The following NFIB variants were observed in gnomAD, a reference collection of about 807,000 sequenced individuals.
NFIB encodes the protein nuclear factor 1 B-type.
In NFIB, 11 loss-of-function variants were observed where a neutral mutation model predicts 61.5. That is an observed-to-expected ratio of 0.18 (90% CI 0.11 to 0.30). The LOEUF (loss-of-function observed/expected upper bound fraction) is 0.30. Ranked by LOEUF, NFIB falls within the 10% of genes least tolerant of loss-of-function variation. The probability of loss-of-function intolerance (pLI) is 1.00; values close to 1 mark genes in which losing one functional copy is unlikely to be tolerated. For missense variants in NFIB, 471 were observed against 608.9 expected (o/e 0.77, Z 2.38); for synonymous variants, 260 against 216.5 (o/e 1.20, Z -1.76).
At chr9:14,392,270 G>A (rs2061631725) in intron 1 of NFIB, among the ~76,000 whole-genome samples, 1 of 152,048 alleles carries the variant, frequency 6.6e-6, no homozygotes, top group Non-Finnish European at 1.5e-5. Flanking sequence ...GAATATAGAT[G>A]GACTTCAGGT....
At chr9:14,413,679 A>T in the NFIB span, among the ~76,000 whole-genome samples, 1 of 152,208 alleles carries the variant, frequency 6.6e-6, no homozygotes, top group Admixed American at 6.5e-5. Flanking sequence ...CCTGTAGAAA[A>T]AAAGTAAATC....
chr9:14,438,801 AAC>A, the NFIB span, among the ~76,000 whole-genome samples: 1 of 152,078 alleles, frequency 6.6e-6, no homozygotes, highest in Non-Finnish European at 1.5e-5. Flanking sequence ...GAGCCGGGAG[AAC>A]AGCTGAAGGC....
Position 14,262,844 on chromosome 9 carries a change from G to T in NFIB, c.562+44145C>A, listed in dbSNP as rs557279999. On this transcript the variant is annotated intron_variant, in intron 2 of 10. Transcript: ENST00000380953. ...CCAGACCAGTTTCAACATGAAACTG[G>T]CAAGTTTTGAGATGTAGCTGTTTCT... Among the ~76,000 whole-genome samples, 7 of 152,186 alleles carry T rather than the reference G, an allele frequency of 4.6e-5. No individual in the cohort carries two copies. The East Asian group carries it at 1.4e-3, about 29-fold the overall frequency.
At chr9:14,331,244 C>A (rs1452492098) in intron 1 of NFIB, among the ~76,000 whole-genome samples, 2 of 152,136 alleles carry the variant, frequency 1.3e-5, no homozygotes, top group African/African-American at 2.4e-5. Flanking sequence ...GACTGAGTAA[C>A]CAATTGAAGG....
rs540305308 is a variant in NFIB, at chr9:14,107,313, C to CA, written c.1467+5685dup. Among the ~76,000 whole-genome samples, 821 of 143,198 alleles carry CA rather than the reference C, an allele frequency of 5.7e-3. 5 individuals are homozygous for CA. The highest frequency in any genetic ancestry group is 9.6e-3 in the Non-Finnish European group (630 of 65,344). The allele number at this position is 143,198 out of a possible 152,430, so 93.9% of individuals were successfully genotyped here. The stretch of plus-strand genomic sequence containing the variant: ...TTGTATGTTTCACATACAACACATG[C>CA]AAAAAAAAACAAACAAACAAAAAAA... On this transcript the variant is annotated intron_variant, in intron 10 of 10. Transcript: ENST00000380953.
chr9:14,463,730 G>A, the NFIB span, among the ~76,000 whole-genome samples: 4 of 128,978 alleles, frequency 3.1e-5, no homozygotes, highest in Admixed American at 3.1e-4. Context: ...GCGCAATCTC[G>A]GCTCACCGCA....
At chr9:14,225,362 C>T (rs561651691) in intron 2 of NFIB, among the ~76,000 whole-genome samples, 46 of 145,806 alleles carry the variant, frequency 3.2e-4, no homozygotes, top group African/African-American at 1.1e-3. Context: ...GAGGCTGAGG[C>T]AGGAGAATGG....
the NFIB span, among the ~76,000 whole-genome samples, chr9:14,526,677 G>A: frequency 4.2e-3 from 641 of 152,196 alleles, 4 homozygotes; most frequent in African/African-American, 0.015. Context: ...TAACAATCTC[G>A]GGGAATTTTA....
At chr9:14,219,305 T>C (rs2051333881) in intron 2 of NFIB, among the ~76,000 whole-genome samples, 1 of 143,792 alleles carries the variant, frequency 7.0e-6, no homozygotes, top group African/African-American at 2.6e-5. Context: ...GAATATTAAC[T>C]ATTATATAGA....
At chr9:14,278,045 G>C (rs919766114) in intron 2 of NFIB, among the ~76,000 whole-genome samples, 2 of 152,158 alleles carry the variant, frequency 1.3e-5, no homozygotes, top group African/African-American at 2.4e-5. Flanking sequence ...AAACTTCAGA[G>C]ACCAGCATCT....
chr9:14,207,360 C>T (rs1435987446), intron 2 of NFIB, among the ~76,000 whole-genome samples: 4 of 152,232 alleles, frequency 2.6e-5, no homozygotes, highest in Non-Finnish European at 5.9e-5. Context: ...TAATTTTTGA[C>T]ACATACCTTC....
chr9:14,150,306 A>G (rs1298072970), intron 4 of NFIB, 41 bp from the exon 5 acceptor site: 2 of 1,611,834 alleles, frequency 1.2e-6, no homozygotes, highest in Non-Finnish European at 8.5e-7. Flanking sequence ...TGACATTCGT[A>G]TTTCTGACCT....
chr9:14,252,543 AC>A (rs559259610), intron 2 of NFIB, among the ~76,000 whole-genome samples: 132 of 152,296 alleles, frequency 8.7e-4, no homozygotes, highest in African/African-American at 2.8e-3. Context: ...GTTAAAAAAA[AC>A]AGAAACTGCT....
intron 2 of NFIB, among the ~76,000 whole-genome samples, chr9:14,187,055 G>A (rs2047444064): frequency 2.1e-5 from 3 of 143,840 alleles, no homozygotes; most frequent in East Asian, 4.1e-4. Flanking sequence ...GTGTGTGTGT[G>A]TGTGTGTGTG....
the NFIB span, among the ~76,000 whole-genome samples, chr9:14,404,278 C>T: frequency 0.04 from 6,061 of 152,222 alleles, 150 homozygotes; most frequent in Non-Finnish European, 0.057. Context: ...ATATCTACCA[C>T]CCCGAGGATT....
chr9:14,503,993 T>A, the NFIB span, among the ~76,000 whole-genome samples: 1 of 152,238 alleles, frequency 6.6e-6, no homozygotes, highest in African/African-American at 2.4e-5. Context: ...TGAGTTGATT[T>A]TTTTATAAGC....
intron 2 of NFIB, among the ~76,000 whole-genome samples, chr9:14,233,421 CTTTTTTTTTTTT>C (rs766595252): frequency 1.5e-4 from 16 of 109,130 alleles, no homozygotes; most frequent in Non-Finnish European, 5.6e-5. Context: ...TGCTATTATT[CTTTTTTTTTTTT>C]TTTTTTTTTT....
intron 2 of NFIB, among the ~76,000 whole-genome samples, chr9:14,303,936 T>G (rs558544251): frequency 6.6e-6 from 1 of 152,220 alleles, no homozygotes; most frequent in African/African-American, 2.4e-5. Flanking sequence ...TTTAATTTTA[T>G]AAACAACTAT....
At chr9:14,396,149 T>G (rs1036367013) in intron 1 of NFIB, among the ~76,000 whole-genome samples, 1 of 152,160 alleles carries the variant, frequency 6.6e-6, no homozygotes, top group Non-Finnish European at 1.5e-5. Flanking sequence ...TTAATGTATT[T>G]GATAATTAGT....
Sources: gnomAD v4.1 joint callset for allele counts (sites outside exome capture counted in the v4.1 genomes callset) on GRCh38, gnomAD v4.1.1 for gene constraint, MANE v1.5 for transcripts, NCBI Gene and HGNC (gene_info 2026-07-23, HGNC 2026-07-21) for gene names.